The following LCE5A variants were observed in gnomAD, a reference collection of about 807,000 sequenced individuals.
LCE5A encodes late cornified envelope protein 5A.
For missense variants in LCE5A, 139 were observed against 147.2 expected (o/e 0.94, Z 0.29); for synonymous variants, 51 against 54.2 (o/e 0.94, Z 0.26).
rs1291516297 is a variant in LCE5A, at chr1:152,511,741, G to C, written c.207G>C (p.Leu69=). The C allele has an allele frequency of 1.9e-6, 3 of 1,613,892 alleles. No homozygotes were observed. Among genetic ancestry groups the C allele is most frequent in the Admixed American group, 3.3e-5 (2 of 60,018 alleles). The change falls in exon 2 of 2, where the codon CTG becomes CTC. Residue 69 remains leucine (L), a synonymous_variant. Transcript: ENST00000334269. ...CCSSEGGGCC[L]SHHRPRQSLR... is the part of the protein sequence containing the mutation. ...GCTCTGAGGGTGGTGGCTGCTGCCTGAGCCACCACAGGCCCCGCCAGTCCC... is the reference window on the plus strand; with the variant it reads ...GCTCTGAGGGTGGTGGCTGCTGCCTCAGCCACCACAGGCCCCGCCAGTCCC...
intron 1 of LCE5A, among the ~76,000 whole-genome samples, 167 bp from the exon 2 acceptor site, chr1:152,511,347 G>A (rs1011927566): frequency 1.3e-5 from 2 of 152,220 alleles, no homozygotes; most frequent in Non-Finnish European, 2.9e-5. Context: ...GCAGTGAGCC[G>A]AGATAGCACC....
At position 152,511,911 on chromosome 1, in the gene LCE5A, G is replaced by A. The variant is rs747203808; in HGVS notation, c.*20G>A. On this transcript the variant is annotated 3_prime_UTR_variant, in exon 2 of 2. Transcript: ENST00000334269. ...TGCTGACCTGGGCCATGAGGAGCAC[G>A]GAGGAGAAGGACTGGCAGATCCCAG... 1.0e-5 allele frequency: 16 copies of A among 1,585,152 alleles called. No homozygotes were observed. Among genetic ancestry groups the A allele is most frequent in the South Asian group, 4.6e-5 (4 of 87,738 alleles).
In LCE5A at chr1:152,511,527, C is replaced by T; in HGVS notation, c.-8C>T. The T allele has an allele frequency of 6.2e-7, 1 of 1,613,062 alleles. No homozygotes were observed. On this transcript the variant is annotated 5_prime_UTR_variant, in exon 2 of 2. Transcript: ENST00000334269. ...ATTGTCTTTCAGCTTTATTCAGCTT[C>T]TACAGAGATGTCCTGCCAGCAGAGC...
At position 152,512,084 on chromosome 1, in the gene LCE5A, C is replaced by T. The variant is rs898542317; in HGVS notation, c.*193C>T. 6.7e-6 allele frequency: 4 copies of T among 600,896 alleles called. No homozygotes were observed. The highest frequency in any genetic ancestry group is 5.6e-5 in the African/African-American group (3 of 53,780). 37.2% of individuals were successfully genotyped at this position (600,896 alleles called of 1,614,324 possible). On this transcript the variant is annotated 3_prime_UTR_variant, in exon 2 of 2. Coordinates refer to ENST00000334269, the MANE Select transcript of LCE5A (RefSeq NM_178438.5). ...TAGCTTGTGATATTTTCTGGCCTGG[C>T]TTTCCCTCTCAGACATAGCTCTTTG...
In LCE5A at chr1:152,511,623, C is replaced by T; in HGVS notation, c.89C>T (p.Pro30Leu). 4 of 1,614,112 alleles carry T rather than the reference C, an allele frequency of 2.5e-6. No individual in the cohort carries two copies. In the South Asian group the frequency reaches 4.4e-5, roughly 18 times the overall value. The change falls in exon 2 of 2, where the codon CCC (proline) becomes CTC (leucine). Residue 30 changes from proline to leucine, a missense_variant. By Grantham distance (98) the Pro-to-Leu change is moderately conservative (BLOSUM62 -3). Coordinates refer to ENST00000334269, the MANE Select transcript of LCE5A (RefSeq NM_178438.5). The part of the protein sequence containing the change: ...CPPKCTPKCP[P>L]KCPPKCPPQC... ...CCCAAGTGTACTCCTAAGTGTCCTC[C>T]CAAGTGTCCCCCAAAATGCCCTCCC... is the stretch of plus-strand genomic sequence containing the variant.
At position 152,511,648 on chromosome 1, in the gene LCE5A, C is replaced by G. The variant is rs1658579227; in HGVS notation, c.114C>G (p.Pro38=). Reference sequence around the variant, plus strand: ...CCAAGTGTCCCCCAAAATGCCCTCCCCAGTGTTCAGCCCCATGCCCACCTC... The same window carrying G: ...CCAAGTGTCCCCCAAAATGCCCTCCGCAGTGTTCAGCCCCATGCCCACCTC... ...CPPKCPPKCP[P]QCSAPCPPPV... is the part of the protein sequence containing the mutation. Residue 38 remains proline, a synonymous_variant, in exon 2 of 2, where the codon CCC becomes CCG. Coordinates refer to ENST00000334269, the MANE Select transcript of LCE5A (RefSeq NM_178438.5). The G allele has an allele frequency of 6.2e-7, 1 of 1,614,118 alleles. No individual in the cohort carries two copies. The highest frequency in any genetic ancestry group is 1.3e-5 in the African/African-American group (1 of 75,028).
chr1:152,511,826 G>T lies in LCE5A; in HGVS notation c.292G>T (p.Gly98Cys). The change falls in exon 2 of 2, where the codon GGC (glycine) becomes TGC (cysteine). Residue 98 changes from glycine (G) to cysteine (C), a missense_variant. Gly to Cys is a radical substitution (Grantham distance 159). Transcript: ENST00000334269. ...CAGTGGCAGTGGCCAGCAGTCTGGG[G>T]GCTCCAGCTGCTGCCACAGCTCTGG... ...CGSGSGQQSG[G>C]SSCCHSSGGS... 1 of 1,613,818 alleles carries T rather than the reference G, an allele frequency of 6.2e-7. No homozygotes were observed. Among genetic ancestry groups the T allele is most frequent in the Admixed American group, 1.7e-5 (1 of 60,002 alleles).
intron 1 of LCE5A, 69 bp downstream of exon 1, chr1:152,511,067 T>TA (rs1289163565): frequency 6.5e-6 from 1 of 153,916 alleles, no homozygotes; most frequent in Non-Finnish European, 1.4e-5. Context: ...AATATGGAGT[T>TA]ACTAGGTGGA....
chr1:152,512,145 T>C lies in LCE5A; in HGVS notation c.*254T>C, dbSNP rs1425635865. Reference sequence around the variant, plus strand: ...TGTTGTAATTCAGTTATGAAGCTATTTTCTCTGTAACAATAAAGCTTTTTA... The same window carrying C: ...TGTTGTAATTCAGTTATGAAGCTATCTTCTCTGTAACAATAAAGCTTTTTA... On this transcript the variant is annotated 3_prime_UTR_variant, in exon 2 of 2. Transcript: ENST00000334269. The C allele has an allele frequency of 2.0e-6, 1 of 506,886 alleles. No individual in the cohort carries two copies. Among genetic ancestry groups the C allele is most frequent in the African/African-American group, 1.9e-5 (1 of 51,680 alleles). 31.4% of individuals were successfully genotyped at this position (506,886 alleles called of 1,614,324 possible).
At position 152,511,998 on chromosome 1, in the gene LCE5A, G is replaced by A; in HGVS notation, c.*107G>A. 1.9e-6 allele frequency: 2 copies of A among 1,041,356 alleles called. No individual in the cohort carries two copies. The highest frequency in any genetic ancestry group is 1.7e-5 in the South Asian group (1 of 60,408). 64.5% of individuals were successfully genotyped at this position (1,041,356 alleles called of 1,614,324 possible). On this transcript the variant is annotated 3_prime_UTR_variant, in exon 2 of 2. Transcript: ENST00000334269. ...TCTCATTTCCCATGGAAGGACTTCG[G>A]AAATGCCTTAAGTTCCCCTCTTTAT...
intron 1 of LCE5A, among the ~76,000 whole-genome samples, chr1:152,511,260 A>G (rs1178225319): frequency 6.6e-6 from 1 of 152,004 alleles, no homozygotes; most frequent in East Asian, 1.9e-4. Context: ...TCTACTAAAA[A>G]CACAAAAATT....
chr1:152,511,898 C>A lies in LCE5A; in HGVS notation c.*7C>A. 1 of 1,604,518 alleles carries A rather than the reference C, an allele frequency of 6.2e-7. No homozygotes were observed. ...CTCTGGAGGCTGCTGCTGACCTGGGCCATGAGGAGCACGGAGGAGAAGGAC... is the reference window on the plus strand; with the variant it reads ...CTCTGGAGGCTGCTGCTGACCTGGGACATGAGGAGCACGGAGGAGAAGGAC... On this transcript the variant is annotated 3_prime_UTR_variant, in exon 2 of 2. Coordinates refer to ENST00000334269, the MANE Select transcript of LCE5A (RefSeq NM_178438.5).
Position 152,511,736 on chromosome 1 carries a change from T to G in LCE5A, c.202T>G (p.Cys68Gly), listed in dbSNP as rs762381965. The G allele has an allele frequency of 1.4e-5, 23 of 1,613,830 alleles. No homozygotes were observed. The highest frequency in any genetic ancestry group is 1.7e-5 in the Non-Finnish European group (20 of 1,179,930). The stretch of plus-strand genomic sequence containing the variant: ...CTGCAGCTCTGAGGGTGGTGGCTGC[T>G]GCCTGAGCCACCACAGGCCCCGCCA... ...GCCSSEGGGC[C>G]LSHHRPRQSL... Residue 68 changes from cysteine (C) to glycine (G), a missense_variant, in exon 2 of 2, where the codon TGC becomes GGC. Transcript: ENST00000334269.
At position 152,511,876 on chromosome 1, in the gene LCE5A, T is replaced by A. The variant is rs1180018938; in HGVS notation, c.342T>A (p.Ser114=). Residue 114 remains serine, a synonymous_variant, in exon 2 of 2, where the codon TCT becomes TCA. Transcript: ENST00000334269. Reference sequence around the variant, plus strand: ...GGGGCTCTGGCTGCTGCCACAGCTCTGGAGGCTGCTGCTGACCTGGGCCAT... The same window carrying A: ...GGGGCTCTGGCTGCTGCCACAGCTCAGGAGGCTGCTGCTGACCTGGGCCAT... ...SSGGSGCCHS[S]GGCC 6.2e-7 allele frequency: 1 copy of A among 1,612,020 alleles called. No homozygotes were observed.
Position 152,511,676 on chromosome 1 carries a change from GTC to G in LCE5A, c.146_147del (p.Ser49PhefsTer14). ...PQCSAPCPPP[V>X]SSCCGSSSGG... ...GTGTTCAGCCCCATGCCCACCTCCA[GTC>G]TCTTCCTGCTGTGGTTCCAGCTCTG... On this transcript the variant is annotated frameshift_variant, in exon 2 of 2. Transcript: ENST00000334269. LOFTEE classifies it low-confidence loss of function (END_TRUNC). The G allele has an allele frequency of 6.2e-7, 1 of 1,614,138 alleles. No individual in the cohort carries two copies. Among genetic ancestry groups the G allele is most frequent in the South Asian group, 1.1e-5 (1 of 91,082 alleles).
Position 152,511,809 on chromosome 1 carries a change from G to A in LCE5A, c.275G>A (p.Ser92Asn), listed in dbSNP as rs758677486. The change falls in exon 2 of 2, where the codon AGT becomes AAT. Residue 92 changes from serine to asparagine, a missense_variant. Physicochemically the swap from Ser to Asn is conservative, Grantham distance 46 (BLOSUM62 1). Transcript: ENST00000334269. ...PQSSSCCGSG[S>N]GQQSGGSSCC... ...AGTTCCAGCTGCTGTGGCAGTGGCA[G>A]TGGCCAGCAGTCTGGGGGCTCCAGC... is the stretch of plus-strand genomic sequence containing the variant. 2 of 1,613,854 alleles carry A rather than the reference G, an allele frequency of 1.2e-6. No homozygotes were observed. Among genetic ancestry groups the A allele is most frequent in the South Asian group, 1.1e-5 (1 of 91,080 alleles).
intron 1 of LCE5A, 70 bp from the exon 2 acceptor site, chr1:152,511,444 T>C (rs1279075660): frequency 8.7e-5 from 86 of 992,072 alleles, no homozygotes; most frequent in Non-Finnish European, 1.1e-4. Context: ...ATCTTAGAGA[T>C]AAAATCTTGT....
Position 152,512,050 on chromosome 1 carries a change from G to T in LCE5A, c.*159G>T. ...CTGCCCATGTTCACTCCATTGTAGG[G>T]TTGAAGTCTAGCTTGTGATATTTTC... is the stretch of plus-strand genomic sequence containing the variant. On this transcript the variant is annotated 3_prime_UTR_variant, in exon 2 of 2. Coordinates refer to ENST00000334269, the MANE Select transcript of LCE5A (RefSeq NM_178438.5). 1 of 669,444 alleles carries T rather than the reference G, an allele frequency of 1.5e-6. No homozygotes were observed. Among genetic ancestry groups the T allele is most frequent in the Non-Finnish European group, 2.5e-6 (1 of 393,002 alleles). The allele number at this position is 669,444 out of a possible 1,614,324, so 41.5% of individuals were successfully genotyped here. A position where few individuals can be genotyped will look rare whatever the true frequency, so the allele number is the denominator to read the frequency against.
Position 152,511,597 on chromosome 1 carries a change from T to C in LCE5A, c.63T>C (p.Pro21=), listed in dbSNP as rs1658577976. 1 of 1,613,922 alleles carries C rather than the reference T, an allele frequency of 6.2e-7. No homozygotes were observed. Among genetic ancestry groups the C allele is most frequent in the African/African-American group, 1.3e-5 (1 of 74,870 alleles). The change falls in exon 2 of 2, where the codon CCT becomes CCC. Residue 21 remains proline, a synonymous_variant. Coordinates refer to ENST00000334269, the MANE Select transcript of LCE5A (RefSeq NM_178438.5). ...QPPPKCTPKC[P]PKCTPKCPPK... is the part of the protein sequence containing the mutation. ...CTCCCAAATGTACCCCTAAATGCCC[T>C]CCCAAGTGTACTCCTAAGTGTCCTC...
Sources: allele counts gnomAD v4.1 joint callset (sites outside exome capture counted in the v4.1 genomes callset), GRCh38; gene constraint gnomAD v4.1.1; transcripts MANE v1.5; gene names NCBI Gene and HGNC (gene_info 2026-07-23, HGNC 2026-07-21).